The following MAD1L1 variants were observed in gnomAD, a reference collection of about 807,000 sequenced individuals.
MAD1L1 encodes mitotic spindle assembly checkpoint protein MAD1.
MAD1L1 carries 95 observed loss-of-function variants against 96.9 expected under a neutral mutation model. The observed-to-expected ratio is 0.98, with a 90% CI of 0.83 to 1.16. The LOEUF (loss-of-function observed/expected upper bound fraction) is 1.16, where lower values mean the gene tolerates loss of function less well. Ranked by LOEUF, MAD1L1 falls within the 50% of genes most tolerant of loss-of-function variation. The probability of loss-of-function intolerance (pLI) is 0.00; values close to 1 mark genes in which losing one functional copy is unlikely to be tolerated. For synonymous variants in MAD1L1, 473 were observed against 396.6 expected, an observed-to-expected ratio of 1.19 and a Z score of -2.29; for missense variants, 1,007 against 954.4, an observed-to-expected ratio of 1.06 and a Z score of -0.73.
chr7:1,953,357 T>G (rs1113736), intron 16 of MAD1L1, among the ~76,000 whole-genome samples: 184 of 152,174 alleles, frequency 1.2e-3, no homozygotes, highest in Non-Finnish European at 1.9e-3. Flanking sequence ...ACTTGGGACA[T>G]TGAGGTTGGC....
intron 12 of MAD1L1, among the ~76,000 whole-genome samples, chr7:2,038,296 C>T (rs1175643245): frequency 6.6e-6 from 1 of 152,104 alleles, no homozygotes; most frequent in Non-Finnish European, 1.5e-5. Context: ...GACGGAGAAG[C>T]TGCAGCAAGT....
At position 2,213,873 on chromosome 7, in the gene MAD1L1, G is replaced by A. The variant is rs568527932; in HGVS notation, c.925-600C>T. On this transcript the variant is annotated intron_variant, in intron 9 of 18. Transcript: ENST00000265854. ...CGCATCCCAAAGAGGTGAGTCTCACGGCCCTTCTAGGACGGAAGCAATCTG... is the reference window on the plus strand; with the variant it reads ...CGCATCCCAAAGAGGTGAGTCTCACAGCCCTTCTAGGACGGAAGCAATCTG... 3.3e-5 allele frequency among the ~76,000 whole-genome samples: 5 copies of A among 152,300 alleles called. No homozygotes were observed. In the South Asian group the frequency reaches 6.2e-4, roughly 19 times the overall value.
intron 18 of MAD1L1, among the ~76,000 whole-genome samples, chr7:1,841,228 G>A (rs1213060130): frequency 4.7e-5 from 7 of 147,780 alleles, no homozygotes; most frequent in South Asian, 2.1e-4. Flanking sequence ...AAATATCCCC[G>A]TAAGTGACAA....
intron 17 of MAD1L1, among the ~76,000 whole-genome samples, chr7:1,912,024 G>C (rs73288793): frequency 0.014 from 2,116 of 152,356 alleles, 56 homozygotes; most frequent in African/African-American, 0.048. Flanking sequence ...CACTTGTCGG[G>C]GGTCTGGGGG....
chr7:1,867,338 G>A (rs1387044191), intron 18 of MAD1L1, among the ~76,000 whole-genome samples: 2 of 136,354 alleles, frequency 1.5e-5, no homozygotes, highest in Non-Finnish European at 3.3e-5. Flanking sequence ...GGCTGCCTCC[G>A]CAGGACCCCC....
chr7:2,037,280 T>C (rs994422581), intron 12 of MAD1L1, among the ~76,000 whole-genome samples: 1 of 151,794 alleles, frequency 6.6e-6, no homozygotes, highest in African/African-American at 2.4e-5. Flanking sequence ...TTTCACATAT[T>C]CCACACCCAG....
rs928485836 is a variant in MAD1L1 at position 2,114,789 on chromosome 7, G to A, written c.1073+34363C>T. ...CGTCTTCGACAGAGACCACCTGCCC[G>A]GCAAACCCCAAAGAGTCCGTTCTGG... On this transcript the variant is annotated intron_variant, in intron 11 of 18. Transcript: ENST00000265854. This position sits in a 1 kb window ranked among gnomAD's most constrained non-coding sequence, Gnocchi z 4.2. Among the ~76,000 whole-genome samples, 12 of 152,144 alleles carry A rather than the reference G, an allele frequency of 7.9e-5. No individual in the cohort carries two copies. The highest frequency in any genetic ancestry group is 2.1e-4 in the South Asian group (1 of 4,820).
intron 10 of MAD1L1, among the ~76,000 whole-genome samples, chr7:2,153,246 G>C (rs1358891724): frequency 6.6e-6 from 1 of 152,152 alleles, no homozygotes; most frequent in Non-Finnish European, 1.5e-5. Flanking sequence ...AGAGTGAAGA[G>C]ACAGCCTCTT....
chr7:1,960,796 T>C lies in MAD1L1; in HGVS notation c.1506-3077A>G, dbSNP rs74443332. Among the ~76,000 whole-genome samples the C allele has an allele frequency of 0.013, 2,030 of 152,234 alleles. 98 individuals are homozygous for C. In the East Asian group the frequency reaches 0.15, roughly 11 times the overall value. On this transcript the variant is annotated intron_variant, in intron 15 of 18. Coordinates refer to ENST00000265854, the MANE Select transcript of MAD1L1 (RefSeq NM_001013836.2). ...CACATGATCAGCCAACTTGACCTAT[T>C]TCACCTGGATAAATGCTTCGACTCT...
At chr7:2,155,442 A>G (rs1789782985) in intron 10 of MAD1L1, among the ~76,000 whole-genome samples, 1 of 152,156 alleles carries the variant, frequency 6.6e-6, no homozygotes. Flanking sequence ...GCAAAACTGA[A>G]ACCCTGTCGC....
At chr7:1,903,562 T>G (rs1172763192) in intron 17 of MAD1L1, among the ~76,000 whole-genome samples, 1 of 143,524 alleles carries the variant, frequency 7.0e-6, no homozygotes, top group Non-Finnish European at 1.5e-5. Flanking sequence ...AATTCATGAT[T>G]GATGAAGCAC....
chr7:2,226,309 C>A (rs1257388073), intron 3 of MAD1L1, among the ~76,000 whole-genome samples: 1 of 152,208 alleles, frequency 6.6e-6, no homozygotes, highest in African/African-American at 2.4e-5. Flanking sequence ...GGTGAGTGTG[C>A]ACAAGGAGCC....
intron 15 of MAD1L1, among the ~76,000 whole-genome samples, chr7:1,976,195 C>T (rs1327370339): frequency 2.0e-5 from 3 of 152,198 alleles, no homozygotes; most frequent in Non-Finnish European, 2.9e-5. Flanking sequence ...GAGGACCATC[C>T]CTGGTCCTCC....
chr7:2,189,014 G>C (rs538977267), intron 10 of MAD1L1, among the ~76,000 whole-genome samples: 2 of 152,294 alleles, frequency 1.3e-5, no homozygotes, highest in South Asian at 4.1e-4. Context: ...AACAGGCGAA[G>C]AACCTGCATA....
chr7:2,224,763 G>A (rs758996891), intron 4 of MAD1L1, among the ~76,000 whole-genome samples: 3 of 152,156 alleles, frequency 2.0e-5, no homozygotes, highest in African/African-American at 4.8e-5. Context: ...GAGGGGATCC[G>A]CGCACTCAGT....
At chr7:1,886,365 T>C (rs1323778623) in intron 18 of MAD1L1, among the ~76,000 whole-genome samples, 1 of 152,234 alleles carries the variant, frequency 6.6e-6, no homozygotes. Context: ...ACCAAGGTCA[T>C]GTCTACACCC....
chr7:2,102,217 C>A (rs1584323951), intron 11 of MAD1L1, among the ~76,000 whole-genome samples: 1 of 151,092 alleles, frequency 6.6e-6, no homozygotes. Context: ...GTCACCACCG[C>A]CACCGTCGCC....
intron 18 of MAD1L1, among the ~76,000 whole-genome samples, chr7:1,897,167 G>GGCTGAATCAGACAGGCAGCGGCTCACT (rs1554287359): frequency 6.6e-6 from 1 of 151,654 alleles, no homozygotes; most frequent in Non-Finnish European, 1.5e-5. Context: ...GCCGGGCTAA[G>GGCTGAATCAGACAGGCAGCGGCTCACT]GCTGAATCAG....
intron 12 of MAD1L1, among the ~76,000 whole-genome samples, chr7:2,066,119 A>G (rs2128526971): frequency 6.6e-6 from 1 of 152,340 alleles, no homozygotes; most frequent in East Asian, 1.9e-4. Context: ...GTCTCGAAAT[A>G]AAACCACACA....
Sources: gnomAD v4.1 joint callset for allele counts (sites outside exome capture counted in the v4.1 genomes callset) on GRCh38, gnomAD v4.1.1 for gene constraint, Gnocchi (gnomAD v3.1) non-coding constraint, MANE v1.5 for transcripts, NCBI Gene and HGNC (gene_info 2026-07-23, HGNC 2026-07-21) for gene names.